KAZN: variants seen among roughly 807,000 people sequenced by gnomAD.
The protein encoded by KAZN is kazrin, periplakin interacting protein.
KAZN carries 40 observed loss-of-function variants against 87.4 expected under a neutral mutation model. That is an observed-to-expected ratio of 0.46 (90% CI 0.36 to 0.60). The LOEUF (loss-of-function observed/expected upper bound fraction) is 0.60. Ranked by LOEUF, KAZN falls within the 20% of genes least tolerant of loss-of-function variation. The pLI is 0.00. For missense variants in KAZN, 898 were observed against 1,073.9 expected (o/e 0.84, Z 2.29); for synonymous variants, 466 against 458.3 (o/e 1.02, Z -0.22).
intron 1 of KAZN, among the ~76,000 whole-genome samples, chr1:14,825,019 C>T (rs559818827): frequency 3.3e-5 from 5 of 152,266 alleles, no homozygotes; most frequent in Admixed American, 1.3e-4. Flanking sequence ...TGTTCCACAG[C>T]GAGGTGTGCT....
At chr1:14,917,693 G>A (rs1278451615) in intron 1 of KAZN, among the ~76,000 whole-genome samples, 2 of 152,136 alleles carry the variant, frequency 1.3e-5, no homozygotes, top group African/African-American at 4.8e-5. Context: ...ACACGCTAGT[G>A]ATTTGCATCC....
chr1:14,049,330 C>T (rs148795615), intron 1 of KAZN, among the ~76,000 whole-genome samples: 23,788 of 142,970 alleles, frequency 0.17, 2,300 homozygotes, highest in Non-Finnish European at 0.22. Flanking sequence ...GTGGGGGGAG[C>T]GGGGAGGGAT....
chr1:15,045,920 T>C (rs557986331), intron 4 of KAZN, among the ~76,000 whole-genome samples: 1 of 152,270 alleles, frequency 6.6e-6, no homozygotes, highest in East Asian at 1.9e-4. Context: ...GGGATTACAA[T>C]TCGAGATGAG....
chr1:14,887,822 C>T (rs919947729), intron 1 of KAZN, among the ~76,000 whole-genome samples: 2 of 152,088 alleles, frequency 1.3e-5, no homozygotes, highest in Non-Finnish European at 2.9e-5. Context: ...TTCTCTGTCT[C>T]CATAATGATC....
chr1:14,865,839 C>CGG (rs1651392428), intron 1 of KAZN, among the ~76,000 whole-genome samples: 1 of 152,166 alleles, frequency 6.6e-6, no homozygotes, highest in Non-Finnish European at 1.5e-5. Flanking sequence ...CGTGGATACA[C>CGG]AGGGAGGAGG....
intron 1 of KAZN, among the ~76,000 whole-genome samples, chr1:14,627,755 C>A (rs1266577816): frequency 6.6e-6 from 1 of 152,132 alleles, no homozygotes; most frequent in East Asian, 1.9e-4. Context: ...TAGCATAACC[C>A]CCGACCGCCA....
At chr1:15,080,307 C>G (rs1000659661) in intron 8 of KAZN, among the ~76,000 whole-genome samples, 2 of 152,322 alleles carry the variant, frequency 1.3e-5, no homozygotes, top group East Asian at 3.9e-4. Context: ...TTTATGATGT[C>G]GTAAATAGGG....
exon 1 of KAZN, chr1:13,893,642 A>G (rs1023509306): frequency 6.5e-7 from 1 of 1,549,964 alleles, no homozygotes; most frequent in Non-Finnish European, 8.7e-7. Context: ...CCACATGACC[A>G]ACACCAAAGA....
At chr1:14,597,122 G>A (rs992826572), upstream of KAZN, among the ~76,000 whole-genome samples, 7 of 152,206 alleles carry the variant, frequency 4.6e-5, no homozygotes, top group African/African-American at 1.4e-4. Flanking sequence ...ACTGAATCCT[G>A]GTTTGCAGAT....
At chr1:14,180,391 GT>G in intron 1 of KAZN, 2 of 1,527,868 alleles carry the variant, frequency 1.3e-6, no homozygotes, top group Non-Finnish European at 1.8e-6. Flanking sequence ...CTCTTTGAAA[GT>G]TACCAGTTGT....
At chr1:14,320,169 T>C (rs1190621912) in intron 2 of KAZN, among the ~76,000 whole-genome samples, 4 of 152,110 alleles carry the variant, frequency 2.6e-5, no homozygotes, top group African/African-American at 7.2e-5. Flanking sequence ...CCCACACCCA[T>C]GTGTCTTAAA....
At chr1:14,380,464 G>A (rs1332858985) in intron 2 of KAZN, among the ~76,000 whole-genome samples, 1 of 152,076 alleles carries the variant, frequency 6.6e-6, no homozygotes, top group Non-Finnish European at 1.5e-5. Context: ...AGAAATTCAA[G>A]ATAACACAAA....
At chr1:14,324,092 C>T (rs575460051) in intron 2 of KAZN, among the ~76,000 whole-genome samples, 1 of 152,130 alleles carries the variant, frequency 6.6e-6, no homozygotes, top group African/African-American at 2.4e-5. Context: ...CCAACCTGTT[C>T]GTCTAAATGT....
At chr1:14,874,082 T>C (rs1041382658) in intron 1 of KAZN, among the ~76,000 whole-genome samples, 1 of 152,056 alleles carries the variant, frequency 6.6e-6, no homozygotes, top group African/African-American at 2.4e-5. Context: ...CATCTGAGAG[T>C]TGACTGTCCA....
In KAZN at chr1:14,599,262, C is replaced by G; in HGVS notation, c.226+39C>G. 1.5e-6 allele frequency: 2 copies of G among 1,312,152 alleles called. No homozygotes were observed. The highest frequency in any genetic ancestry group is 1.9e-6 in the Non-Finnish European group (2 of 1,032,814). 81.3% of individuals were successfully genotyped at this position (1,312,152 alleles called of 1,614,324 possible). The stretch of plus-strand genomic sequence containing the variant: ...GGCGCCCAGGGCGGAGGAAGGCGAG[C>G]AGAGCACGCCCGGCCTCGGAGGTGG... On this transcript the variant is annotated intron_variant, in intron 1 of 14. Transcript: ENST00000376030. This position sits in a 1 kb window ranked among gnomAD's most constrained non-coding sequence, Gnocchi z 4.4.
chr1:13,983,706 G>A lies in KAZN; in HGVS notation c.91+89950G>A, dbSNP rs759083929. On this transcript the variant is annotated intron_variant, in intron 1 of 16. Coordinates refer to the KAZN transcript ENST00000636203. The stretch of plus-strand genomic sequence containing the variant: ...AGAGCGAGCGAGGGCTGTGAGGACC[G>A]CCAGCACGCTGTCACCTCCCAAAGG... Among the ~76,000 whole-genome samples the A allele has an allele frequency of 2.0e-5, 3 of 152,250 alleles. No homozygotes were observed. In the East Asian group the frequency reaches 5.8e-4, roughly 29 times the overall value.
intron 2 of KAZN, among the ~76,000 whole-genome samples, chr1:14,530,793 C>T (rs183103379): frequency 1.3e-5 from 2 of 152,256 alleles, no homozygotes; most frequent in Admixed American, 1.3e-4. Flanking sequence ...TTATAAATTA[C>T]CCAGTCTCTG....
chr1:13,994,856 G>A (rs2101121119), intron 1 of KAZN, among the ~76,000 whole-genome samples: 1 of 139,934 alleles, frequency 7.1e-6, no homozygotes, highest in Admixed American at 7.8e-5. Context: ...TCTGGTGGAT[G>A]GGAATGCAGC....
At chr1:14,745,914 G>A (rs1436892222) in intron 1 of KAZN, among the ~76,000 whole-genome samples, 1 of 152,094 alleles carries the variant, frequency 6.6e-6, no homozygotes, top group Non-Finnish European at 1.5e-5. Context: ...TGTTCTGGGC[G>A]AACCGTTCTG....
Sources: allele counts gnomAD v4.1 joint callset (sites outside exome capture counted in the v4.1 genomes callset), GRCh38; gene constraint gnomAD v4.1.1; non-coding constraint Gnocchi (gnomAD v3.1); transcripts MANE v1.5; gene names NCBI Gene and HGNC (gene_info 2026-07-23, HGNC 2026-07-21).